The following CADM1 variants were observed in gnomAD, a reference collection of about 807,000 sequenced individuals.
CADM1 encodes cell adhesion molecule 1.
Under a neutral mutation model 53.1 loss-of-function variants are expected in CADM1, and 15 were observed. The observed-to-expected ratio is 0.28, with a 90% CI of 0.19 to 0.44. The LOEUF is 0.44. CADM1 is among the 20% of genes least tolerant of loss of function. CADM1 has a pLI of 1.00. For missense variants in CADM1, 434 were observed against 611.3 expected, an observed-to-expected ratio of 0.71 and a Z score of 3.06; for synonymous variants, 281 against 243.0, an observed-to-expected ratio of 1.16 and a Z score of -1.45.
intron 1 of CADM1, among the ~76,000 whole-genome samples, chr11:115,455,753 T>C (rs1948670291): frequency 2.0e-5 from 3 of 152,226 alleles, no homozygotes; most frequent in Admixed American, 2.0e-4. Flanking sequence ...CCTGTTAATT[T>C]GCTATGTGGC....
intron 1 of CADM1, among the ~76,000 whole-genome samples, chr11:115,359,209 G>C (rs949737621): frequency 6.6e-6 from 1 of 152,116 alleles, no homozygotes; most frequent in African/African-American, 2.4e-5. Context: ...CCAGCTGAGT[G>C]GCCAAGTATA....
chr11:115,235,146 T>C (rs1941967341), intron 3 of CADM1, among the ~76,000 whole-genome samples: 1 of 151,284 alleles, frequency 6.6e-6, no homozygotes, highest in Non-Finnish European at 1.5e-5. Flanking sequence ...TTTATTGATA[T>C]GTTACAAAGC....
chr11:115,297,430 C>T (rs1319426698), intron 1 of CADM1, among the ~76,000 whole-genome samples: 2 of 152,172 alleles, frequency 1.3e-5, no homozygotes, highest in Admixed American at 6.5e-5. Context: ...GATACCTACT[C>T]GGTGTTTGTG....
intron 1 of CADM1, among the ~76,000 whole-genome samples, chr11:115,499,611 G>A (rs573113086): frequency 2.2e-4 from 33 of 152,370 alleles, no homozygotes; most frequent in African/African-American, 2.6e-4. Flanking sequence ...GCCAGGAGGC[G>A]GAACAGAAGG....
chr11:115,484,600 T>C (rs1462003895), intron 1 of CADM1, among the ~76,000 whole-genome samples: 1 of 152,162 alleles, frequency 6.6e-6, no homozygotes, highest in Non-Finnish European at 1.5e-5. Context: ...CCCTATACCA[T>C]GGTAAAGACA....
intron 1 of CADM1, among the ~76,000 whole-genome samples, chr11:115,500,204 T>C (rs1268209347): frequency 6.6e-6 from 1 of 152,206 alleles, no homozygotes; most frequent in African/African-American, 2.4e-5. Context: ...TGAATTTTCT[T>C]CATCTGCTGG....
At chr11:115,294,433 C>A (rs1418220638) in intron 1 of CADM1, among the ~76,000 whole-genome samples, 1 of 152,156 alleles carries the variant, frequency 6.6e-6, no homozygotes, top group Non-Finnish European at 1.5e-5. Flanking sequence ...CACTCAATAG[C>A]CCGTTCTCAT....
intron 1 of CADM1, among the ~76,000 whole-genome samples, chr11:115,441,993 C>T (rs1046827076): frequency 6.6e-5 from 10 of 151,970 alleles, no homozygotes; most frequent in South Asian, 2.1e-4. Flanking sequence ...TGATGCATTA[C>T]GATCTGATCC....
chr11:115,436,678 A>G (rs1415845567), intron 1 of CADM1, among the ~76,000 whole-genome samples: 2 of 152,244 alleles, frequency 1.3e-5, no homozygotes, highest in Non-Finnish European at 2.9e-5. Flanking sequence ...GAATGAGGGC[A>G]GACACATGCA....
At position 115,382,940 on chromosome 11, in the gene CADM1, AAAG is replaced by A. The variant is rs151167807; in HGVS notation, c.124+121328_124+121330del. ...AAATGGGTAGCAAAATAGGGAAGAA[AAAG>A]AAAAGGACTTTACATGTATTCCCAA... On this transcript the variant is annotated intron_variant, in intron 1 of 11. Coordinates refer to ENST00000331581, the MANE Select transcript of CADM1 (RefSeq NM_001301043.2). Among the ~76,000 whole-genome samples the A allele has an allele frequency of 2.8e-3, 424 of 152,316 alleles. 1 individual carries two copies. The highest frequency in any genetic ancestry group is 8.6e-3 in the African/African-American group (359 of 41,572).
chr11:115,190,300 C>T (rs987778377), intron 10 of CADM1, among the ~76,000 whole-genome samples: 2 of 152,138 alleles, frequency 1.3e-5, no homozygotes, highest in Non-Finnish European at 2.9e-5. Flanking sequence ...ATCCTGGAAT[C>T]AAGCATGAAA....
intron 9 of CADM1, chr11:115,193,745 C>A (rs897083810): frequency 3.3e-5 from 5 of 151,510 alleles, no homozygotes; most frequent in Admixed American, 6.6e-5. Flanking sequence ...ATAGAATGAT[C>A]GAATAAAACC....
At chr11:115,357,208 C>T (rs548361824) in intron 1 of CADM1, among the ~76,000 whole-genome samples, 75 of 152,298 alleles carry the variant, frequency 4.9e-4, no homozygotes, top group Non-Finnish European at 6.8e-4. Flanking sequence ...CAAAGGCATT[C>T]GCTCCTGCTG....
chr11:115,178,927 A>T, intron 10 of CADM1, 152 bp from the exon 11 acceptor site: 1 of 821,404 alleles, frequency 1.2e-6, no homozygotes, highest in Admixed American at 2.0e-5. Flanking sequence ...CACTGAGGTA[A>T]CAGGCTGACC....
chr11:115,330,957 GT>G (rs1945114299), intron 1 of CADM1, among the ~76,000 whole-genome samples: 1 of 152,122 alleles, frequency 6.6e-6, no homozygotes, highest in South Asian at 2.1e-4. Flanking sequence ...AGGGTACAGG[GT>G]ACATGTTGAG....
chr11:115,315,332 A>G (rs2135173214), intron 1 of CADM1, among the ~76,000 whole-genome samples: 1 of 152,288 alleles, frequency 6.6e-6, no homozygotes, highest in South Asian at 2.1e-4. Flanking sequence ...ACAGGATGGG[A>G]CACGACACAT....
rs1565457483 is a variant in CADM1 at position 115,500,458 on chromosome 11, G to A, written c.124+3813C>T. ...AGCCTAAAAATCATTTAGCAATATA[G>A]GCCAAGGAATAATAAAAATTCACTT... On this transcript the variant is annotated intron_variant, in intron 1 of 11. Transcript: ENST00000331581. 2.0e-5 allele frequency among the ~76,000 whole-genome samples: 3 copies of A among 152,246 alleles called. No individual in the cohort carries two copies. The East Asian group carries it at 5.8e-4, about 29-fold the overall frequency.
chr11:115,445,287 T>C (rs185780859), intron 1 of CADM1, among the ~76,000 whole-genome samples: 130 of 152,198 alleles, frequency 8.5e-4, no homozygotes, highest in Non-Finnish European at 1.4e-3. Flanking sequence ...AGCAGTCGGC[T>C]TGGGGACAGA....
At chr11:115,297,066 T>C (rs1040026570) in intron 1 of CADM1, among the ~76,000 whole-genome samples, 5 of 152,272 alleles carry the variant, frequency 3.3e-5, no homozygotes, top group Non-Finnish European at 7.3e-5. Flanking sequence ...CAAGTATTCC[T>C]ATAGTACATT....
Sources: allele counts gnomAD v4.1 joint callset (sites outside exome capture counted in the v4.1 genomes callset), GRCh38; gene constraint gnomAD v4.1.1; transcripts MANE v1.5; gene names NCBI Gene and HGNC (gene_info 2026-07-23, HGNC 2026-07-21).